Variants in SLC39A11 observed in about 807,000 individuals in gnomAD.
SLC39A11 encodes zinc transporter ZIP11.
A neutral mutation model predicts 36.1 loss-of-function variants in SLC39A11; 33 were observed. That is an observed-to-expected ratio of 0.91 (90% CI 0.69 to 1.22). SLC39A11 has a LOEUF of 1.22. SLC39A11 is among the 50% of genes most tolerant of loss of function. SLC39A11 has a pLI of 0.00. For missense variants in SLC39A11, 432 were observed against 430.3 expected (o/e 1.00, Z -0.03); for synonymous variants, 166 against 170.3 (o/e 0.97, Z 0.20).
Position 73,004,219 on chromosome 17 carries a change from GAA to G in SLC39A11, c.306+27335_306+27336del, listed in dbSNP as rs1555674188. ...AGAAAGAAAGAAAGAAAGAAAGAAAGAAAGAAAGAAAGAAAAGAAAGAAAGAG... is the reference window on the plus strand; with the variant it reads ...AGAAAGAAAGAAAGAAAGAAAGAAAGAGAAAGAAAGAAAAGAAAGAAAGAG... On this transcript the variant is annotated intron_variant, in intron 4 of 9. Coordinates refer to ENST00000255559, the MANE Select transcript of SLC39A11 (RefSeq NM_139177.4). Among the ~76,000 whole-genome samples, 5 of 79,276 alleles carry G rather than the reference GAA, an allele frequency of 6.3e-5. 1 individual carries two copies. Among genetic ancestry groups the G allele is most frequent in the Non-Finnish European group, 1.2e-4 (5 of 42,704 alleles). The allele number at this position is 79,276 out of a possible 152,430, so 52.0% of individuals were successfully genotyped here.
At chr17:73,047,990 A>AAAAAAAAAAATATATATATAT (rs1555693446) in intron 3 of SLC39A11, among the ~76,000 whole-genome samples, 1 of 58,702 alleles carries the variant, frequency 1.7e-5, no homozygotes. Context: ...AAAAAAAAAA[A>AAAAAAAAAAATATATATATAT]ATATATATAT....
intron 2 of SLC39A11, 139 bp downstream of exon 2, chr17:73,088,518 G>C (rs190944593): frequency 2.6e-5 from 17 of 642,270 alleles, no homozygotes; most frequent in African/African-American, 1.5e-4. Flanking sequence ...AGAAGACAGC[G>C]AACAAACCCC....
At chr17:72,817,779 T>A (rs2077632945) in intron 6 of SLC39A11, 1 of 152,206 alleles carries the variant, frequency 6.6e-6, no homozygotes, top group South Asian at 2.1e-4. Flanking sequence ...CTTGTCCCCA[T>A]GGTGGTCTGT....
intron 4 of SLC39A11, among the ~76,000 whole-genome samples, chr17:73,023,226 TAA>T (rs57999699): frequency 4.2e-5 from 6 of 142,400 alleles, no homozygotes; most frequent in Admixed American, 7.0e-5. Flanking sequence ...TCACAGTGCC[TAA>T]AAAAAAAAAA....
At chr17:72,698,779 G>A (rs2072444704) in intron 7 of SLC39A11, among the ~76,000 whole-genome samples, 1 of 152,124 alleles carries the variant, frequency 6.6e-6, no homozygotes, top group Admixed American at 6.5e-5. Flanking sequence ...GTGAATACCT[G>A]GAGGGGCTTT....
intron 4 of SLC39A11, among the ~76,000 whole-genome samples, chr17:73,008,513 G>T (rs1436344608): frequency 6.6e-6 from 1 of 152,208 alleles, no homozygotes; most frequent in Non-Finnish European, 1.5e-5. Context: ...CTGTGGGCCA[G>T]ATGAGCCACC....
chr17:73,022,186 A>G (rs954267792), intron 4 of SLC39A11, among the ~76,000 whole-genome samples: 2 of 152,264 alleles, frequency 1.3e-5, no homozygotes, highest in Non-Finnish European at 2.9e-5. Context: ...CAGCTGCCCT[A>G]GAAAACCAAG....
chr17:72,822,041 T>C (rs376610557), intron 6 of SLC39A11: 34 of 151,400 alleles, frequency 2.2e-4, no homozygotes, highest in African/African-American at 7.7e-4. Flanking sequence ...AGGAAGAGAA[T>C]GGGACTGGCT....
chr17:73,053,238 TTTC>T (rs138096798), intron 3 of SLC39A11, among the ~76,000 whole-genome samples: 49,607 of 141,148 alleles, frequency 0.35, 8,332 homozygotes, highest in East Asian at 0.45. Flanking sequence ...CCCATTTGAT[TTTC>T]TTTTTTTTTT....
chr17:72,764,744 T>C (rs943084563), intron 6 of SLC39A11, among the ~76,000 whole-genome samples: 3 of 152,168 alleles, frequency 2.0e-5, no homozygotes, highest in African/African-American at 2.4e-5. Flanking sequence ...GGAAGCTATA[T>C]GACACATCTG....
At chr17:72,697,194 C>A (rs2072345133) in intron 7 of SLC39A11, among the ~76,000 whole-genome samples, 1 of 152,200 alleles carries the variant, frequency 6.6e-6, no homozygotes, top group African/African-American at 2.4e-5. Flanking sequence ...GTGATCCCCC[C>A]ATGTCAGCCT....
intron 6 of SLC39A11, among the ~76,000 whole-genome samples, chr17:72,748,271 G>A (rs11658720): frequency 0.46 from 68,980 of 150,966 alleles, 18,733 homozygotes; most frequent in Non-Finnish European, 0.62. Context: ...GCAGTGAGCC[G>A]AGATCGCGCC....
At chr17:72,843,994 A>G (rs2078938607) in intron 6 of SLC39A11, among the ~76,000 whole-genome samples, 1 of 152,104 alleles carries the variant, frequency 6.6e-6, no homozygotes, top group Non-Finnish European at 1.5e-5. Flanking sequence ...CATCCTCAGG[A>G]CATACTAAAC....
At chr17:72,770,696 C>T (rs770322763) in intron 6 of SLC39A11, among the ~76,000 whole-genome samples, 8 of 152,216 alleles carry the variant, frequency 5.3e-5, no homozygotes, top group Non-Finnish European at 1.2e-4. Flanking sequence ...GATAACATCA[C>T]CACATAGGCC....
intron 3 of SLC39A11, among the ~76,000 whole-genome samples, chr17:73,066,801 C>T (rs2060009328): frequency 6.6e-6 from 1 of 152,192 alleles, no homozygotes; most frequent in Non-Finnish European, 1.5e-5. Flanking sequence ...TCTAGCAGTG[C>T]CCAGACACCA....
chr17:72,837,839 A>T, intron 6 of SLC39A11: 1 of 789,268 alleles, frequency 1.3e-6, no homozygotes, highest in Non-Finnish European at 1.7e-6. Context: ...AGTCCCGGTT[A>T]GGGAAACTGT....
At chr17:73,061,363 G>A (rs946195794) in intron 3 of SLC39A11, among the ~76,000 whole-genome samples, 1 of 150,884 alleles carries the variant, frequency 6.6e-6, no homozygotes. Flanking sequence ...CTGTCTCAAG[G>A]AAAAAAAAAT....
At chr17:72,986,336 T>C (rs1439440478) in intron 4 of SLC39A11, among the ~76,000 whole-genome samples, 1 of 152,164 alleles carries the variant, frequency 6.6e-6, no homozygotes, top group Non-Finnish European at 1.5e-5. Flanking sequence ...GCTGGGGAGC[T>C]GGACAAACTG....
At chr17:72,648,151 G>A (rs1050019608) in intron 9 of SLC39A11, among the ~76,000 whole-genome samples, 19 of 151,738 alleles carry the variant, frequency 1.3e-4, no homozygotes, top group African/African-American at 3.1e-4. Flanking sequence ...CTAACATGGC[G>A]AAACCCCGTC....
Sources: gnomAD v4.1 joint callset for allele counts (sites outside exome capture counted in the v4.1 genomes callset) on GRCh38, gnomAD v4.1.1 for gene constraint, MANE v1.5 for transcripts, NCBI Gene and HGNC (gene_info 2026-07-23, HGNC 2026-07-21) for gene names.